Variants in PCDHA9 observed in about 807,000 individuals in gnomAD.
PCDHA9 encodes protocadherin alpha 9.
A neutral mutation model predicts 62.0 loss-of-function variants in PCDHA9; 62 were observed. That is an observed-to-expected ratio of 1.00 (90% CI 0.81 to 1.23). PCDHA9 has a LOEUF of 1.23. Among genes scored for constraint, PCDHA9 ranks in the 50% most tolerant of loss-of-function variants. The pLI, the probability that PCDHA9 is intolerant of heterozygous loss-of-function variation, is 0.00. For synonymous variants in PCDHA9, 557 were observed against 567.6 expected (o/e 0.98, Z 0.27); for missense variants, 1,205 against 1,249.8 (o/e 0.96, Z 0.54).
chr5:140,853,680 C>T (rs142269623), intron 1 of PCDHA9: 5 of 988,078 alleles, frequency 5.1e-6, no homozygotes, highest in Non-Finnish European at 6.1e-6. Flanking sequence ...TATGGTCAAC[C>T]TATCCTTAGA....
At chr5:140,923,275 C>CA (rs1328074482) in intron 1 of PCDHA9, among the ~76,000 whole-genome samples, 5 of 152,128 alleles carry the variant, frequency 3.3e-5, no homozygotes, top group African/African-American at 9.7e-5. Flanking sequence ...CTTGTCTCTA[C>CA]AAAAAATTAA....
At chr5:140,890,688 T>C (rs570229410) in intron 1 of PCDHA9, among the ~76,000 whole-genome samples, 4 of 152,334 alleles carry the variant, frequency 2.6e-5, no homozygotes, top group Admixed American at 2.6e-4. Flanking sequence ...TTCTGGGAAA[T>C]GCAGGGACCT....
intron 1 of PCDHA9, chr5:140,865,310 G>T (rs1315373536): frequency 3.9e-5 from 6 of 152,276 alleles, no homozygotes; most frequent in African/African-American, 1.4e-4. Flanking sequence ...AATTACAAAT[G>T]AGATGGCCTT....
At chr5:140,952,476 G>A (rs1231361903) in intron 1 of PCDHA9, among the ~76,000 whole-genome samples, 1 of 152,148 alleles carries the variant, frequency 6.6e-6, no homozygotes, top group East Asian at 1.9e-4. Context: ...TAAGGAAAGT[G>A]ACATTTGCTC....
chr5:140,869,867 C>A (rs1554163562), intron 1 of PCDHA9: 7 of 1,609,988 alleles, frequency 4.3e-6, no homozygotes, highest in Non-Finnish European at 5.9e-6. Context: ...ATGGAAAATG[C>A]TGCTAAAGAA....
chr5:140,870,250 C>G (rs1562640720), intron 1 of PCDHA9: 1 of 1,614,092 alleles, frequency 6.2e-7, no homozygotes, highest in African/African-American at 1.3e-5. Flanking sequence ...TGTCAACGGA[C>G]AGGTGACCTG....
intron 1 of PCDHA9, chr5:140,868,929 AG>A: frequency 9.3e-7 from 1 of 1,070,938 alleles, no homozygotes; most frequent in Non-Finnish European, 1.3e-6. Context: ...GTTCATTTAA[AG>A]GTTGGTCTGA....
In PCDHA9 at chr5:140,858,494, C is replaced by T. The variant is rs1451749220; in HGVS notation, c.2394+7605C>T. 40 of 1,482,664 alleles carry T rather than the reference C, an allele frequency of 2.7e-5. 3 individuals carry two copies. In the Middle Eastern group the frequency reaches 5.1e-4, roughly 19 times the overall value. 91.8% of individuals were successfully genotyped at this position (1,482,664 alleles called of 1,614,324 possible). A position where few individuals can be genotyped will look rare whatever the true frequency, so the allele number is the denominator to read the frequency against. On this transcript the variant is annotated intron_variant, in intron 1 of 3. Transcript: ENST00000532602. Reference sequence around the variant, plus strand: ...CTTTATGAATAATATTTTCTCTTACCGCATTTTCTCAAATATGTATCAGAA... The same window carrying T: ...CTTTATGAATAATATTTTCTCTTACTGCATTTTCTCAAATATGTATCAGAA...
At chr5:140,856,865 A>G in intron 1 of PCDHA9, 2 of 1,595,810 alleles carry the variant, frequency 1.3e-6, no homozygotes, top group African/African-American at 1.3e-5. Context: ...TGAAGGAATA[A>G]ACAAGGAAAT....
At chr5:140,995,738 T>G (rs1441000111) in intron 3 of PCDHA9, among the ~76,000 whole-genome samples, 1 of 152,150 alleles carries the variant, frequency 6.6e-6, no homozygotes, top group Non-Finnish European at 1.5e-5. Context: ...CTGGTGGATT[T>G]GGTATATCAT....
At chr5:140,862,837 A>T (rs1562571150) in intron 1 of PCDHA9, 1 of 575,832 alleles carries the variant, frequency 1.7e-6, no homozygotes, top group African/African-American at 1.9e-5. Context: ...CGACGCGGGC[A>T]TGCCGCCTCT....
Position 140,884,123 on chromosome 5 carries a change from C to T in PCDHA9, c.2394+33234C>T, listed in dbSNP as rs1360744073. 2.5e-6 allele frequency: 4 copies of T among 1,613,230 alleles called. No homozygotes were observed. The African/African-American group carries it at 4.0e-5, about 16-fold the overall frequency. ...ATTGCAGCTGGCGGCGGTCGGCGCGCGCATCCCGTTCCGCGTGGGGCTGTA... is the reference window on the plus strand; with the variant it reads ...ATTGCAGCTGGCGGCGGTCGGCGCGTGCATCCCGTTCCGCGTGGGGCTGTA... On this transcript the variant is annotated intron_variant, in intron 1 of 3. Coordinates refer to ENST00000532602, the MANE Select transcript of PCDHA9 (RefSeq NM_031857.2).
At chr5:140,950,050 T>C (rs1554219269) in intron 1 of PCDHA9, among the ~76,000 whole-genome samples, 3 of 151,956 alleles carry the variant, frequency 2.0e-5, no homozygotes, top group Admixed American at 6.6e-5. Context: ...CATATAAGAC[T>C]ATTTAGCTCT....
In PCDHA9 at chr5:140,884,542, G is replaced by T. The variant is rs1554181706; in HGVS notation, c.2394+33653G>T. 1.9e-6 allele frequency: 3 copies of T among 1,614,126 alleles called. No individual in the cohort carries two copies. In the Admixed American group the frequency reaches 5.0e-5, roughly 27 times the overall value. ...ACTCGCAGCAGAGGCGGCCGAGGGT[G>T]TGCTCTGGGGAGGGCCCGCATAAGA... On this transcript the variant is annotated intron_variant, in intron 1 of 3. Transcript: ENST00000532602.
chr5:140,851,303 G>A (rs2042020475), intron 1 of PCDHA9: 2 of 1,012,372 alleles, frequency 2.0e-6, no homozygotes. Context: ...AAAATATATA[G>A]CAATTGTTAC....
chr5:140,852,580 TTA>T, intron 1 of PCDHA9: 5 of 841,004 alleles, frequency 5.9e-6, no homozygotes, highest in South Asian at 5.3e-5. Context: ...CAAGGCTTTT[TTA>T]TTTTTTTTTT....
rs781982422 is a variant in PCDHA9 at position 140,871,325 on chromosome 5, C to T, written c.2394+20436C>T. 4 of 1,613,988 alleles carry T rather than the reference C, an allele frequency of 2.5e-6. No individual in the cohort carries two copies. Among genetic ancestry groups the T allele is most frequent in the Non-Finnish European group, 3.4e-6 (4 of 1,180,038 alleles). On this transcript the variant is annotated intron_variant, in intron 1 of 3. Coordinates refer to ENST00000532602, the MANE Select transcript of PCDHA9 (RefSeq NM_031857.2). ...CCGGGGAAGCCCACGCTGGTGTGCTCCCGCGCGGTGGGGAGCTGGTCATAC... is the reference window on the plus strand; with the variant it reads ...CCGGGGAAGCCCACGCTGGTGTGCTTCCGCGCGGTGGGGAGCTGGTCATAC...
intron 1 of PCDHA9, chr5:140,927,418 C>A: frequency 6.2e-7 from 1 of 1,614,106 alleles, no homozygotes; most frequent in Non-Finnish European, 8.5e-7. Flanking sequence ...CATGGGATCG[C>A]GGGTTGACGG....
At chr5:140,871,425 T>A (rs782021225) in intron 1 of PCDHA9, 7 of 1,613,404 alleles carry the variant, frequency 4.3e-6, no homozygotes, top group Admixed American at 3.3e-5. Flanking sequence ...TCAGCCCCAG[T>A]CTTCCTCTAG....
Sources: gnomAD v4.1 joint callset for allele counts (sites outside exome capture counted in the v4.1 genomes callset) on GRCh38, gnomAD v4.1.1 for gene constraint, MANE v1.5 for transcripts, NCBI Gene and HGNC (gene_info 2026-07-23, HGNC 2026-07-21) for gene names.